FGF14: variants seen among roughly 807,000 people sequenced by gnomAD.
FGF14 encodes fibroblast growth factor homologous factor 4.
FGF14 carries 5 observed loss-of-function variants against 25.5 expected under a neutral mutation model. The observed-to-expected ratio is 0.20, with a 90% CI of 0.10 to 0.41. FGF14 has a LOEUF of 0.41. FGF14 is among the 10% of genes least tolerant of loss of function. The pLI, the probability that FGF14 is intolerant of heterozygous loss-of-function variation, is 1.00. For missense variants in FGF14, 222 were observed against 320.1 expected, an observed-to-expected ratio of 0.69 and a Z score of 2.34; for synonymous variants, 138 against 118.3, an observed-to-expected ratio of 1.17 and a Z score of -1.08.
At chr13:102,002,771 T>A (rs2039567783) in intron 1 of FGF14, 1 of 152,206 alleles carries the variant, frequency 6.6e-6, no homozygotes, top group East Asian at 1.9e-4. Context: ...TAGCTAAAAC[T>A]ATTTTGGAAA....
intron 1 of FGF14, among the ~76,000 whole-genome samples, chr13:101,930,787 G>C (rs1198677736): frequency 6.6e-6 from 1 of 152,124 alleles, no homozygotes; most frequent in African/African-American, 2.4e-5. Context: ...CTTCCATATA[G>C]AGTTCCAGAG....
intron 1 of FGF14, among the ~76,000 whole-genome samples, chr13:101,971,374 CTTTT>C (rs34042855): frequency 0.32 from 46,458 of 146,458 alleles, 7,715 homozygotes; most frequent in East Asian, 0.71. Flanking sequence ...CAGCATATAA[CTTTT>C]TTTTTTTTTT....
chr13:102,075,787 G>T (rs1380826646), intron 1 of FGF14, among the ~76,000 whole-genome samples: 1 of 152,138 alleles, frequency 6.6e-6, no homozygotes, highest in Non-Finnish European at 1.5e-5. Context: ...TTTCCAGTGG[G>T]ACAAGATGTG....
intron 1 of FGF14, among the ~76,000 whole-genome samples, chr13:102,143,342 TA>T (rs933473655): frequency 4.0e-5 from 6 of 151,280 alleles, no homozygotes; most frequent in African/African-American, 4.9e-5. Context: ...TACTCAGATT[TA>T]AAAAAAAATG....
At position 101,714,636 on chromosome 13, in the gene FGF14, C is replaced by A; in HGVS notation, c.*8195G>T. ...ACTCGTCATGCAATGCTTTAGGTGG[C>A]TGGACCAACAGGGCCAACCGTGAAT... On this transcript the variant is annotated 3_prime_UTR_variant, in exon 5 of 5. Transcript: ENST00000376143. 1.2e-6 allele frequency: 1 copy of A among 853,300 alleles called. No homozygotes were observed. Among genetic ancestry groups the A allele is most frequent in the Non-Finnish European group, 2.0e-6 (1 of 497,008 alleles). 52.9% of individuals were successfully genotyped at this position (853,300 alleles called of 1,614,324 possible). A position where few individuals can be genotyped will look rare whatever the true frequency, so the allele number is the denominator to read the frequency against.
intron 1 of FGF14, among the ~76,000 whole-genome samples, chr13:102,317,350 G>T (rs1274987902): frequency 6.6e-6 from 1 of 151,434 alleles, no homozygotes; most frequent in African/African-American, 2.4e-5. Context: ...CTGTATAGTG[G>T]TAATAAGTAT....
chr13:101,777,033 T>C (rs766931052), intron 3 of FGF14, among the ~76,000 whole-genome samples: 7 of 152,176 alleles, frequency 4.6e-5, no homozygotes, highest in Non-Finnish European at 8.8e-5. Flanking sequence ...CCTTTGTTAT[T>C]TGGCTTCTAG....
Position 101,936,717 on chromosome 13 carries a change from T to G in FGF14, c.209-61421A>C, listed in dbSNP as rs568490916. On this transcript the variant is annotated intron_variant, in intron 1 of 4. Coordinates refer to the FGF14 transcript ENST00000376131. ...TTTCCAGAGCAAGCAATGAATGCTA[T>G]TTGTTCACTATCTTCCCCACAATAC... Among the ~76,000 whole-genome samples the G allele has an allele frequency of 2.0e-5, 3 of 152,342 alleles. No homozygotes were observed. The East Asian group carries it at 5.8e-4, about 29-fold the overall frequency.
At chr13:101,814,757 T>C (rs1029358163) in intron 3 of FGF14, among the ~76,000 whole-genome samples, 1 of 152,242 alleles carries the variant, frequency 6.6e-6, no homozygotes, top group Admixed American at 6.5e-5. Context: ...AAGCATTTTA[T>C]TCTACAGATA....
At chr13:101,850,491 TATATATATATATA>T (rs2043736710) in intron 3 of FGF14, among the ~76,000 whole-genome samples, 1 of 2,394 alleles carries the variant, frequency 4.2e-4, no homozygotes, top group Non-Finnish European at 1.3e-3. Context: ...TATATATATA[TATATATATATATA>T]TATATATATA....
chr13:101,747,558 C>T (rs757608689), intron 3 of FGF14, among the ~76,000 whole-genome samples: 52 of 151,984 alleles, frequency 3.4e-4, no homozygotes, highest in Middle Eastern at 3.4e-3. Context: ...ATGAAGAAAA[C>T]GACAAAAACT....
intron 1 of FGF14, among the ~76,000 whole-genome samples, chr13:102,052,076 C>T (rs550806916): frequency 6.6e-6 from 1 of 151,958 alleles, no homozygotes; most frequent in Non-Finnish European, 1.5e-5. Flanking sequence ...AAAAATTAAT[C>T]CAATTCTGGA....
chr13:102,252,721 C>A (rs2052242793), intron 1 of FGF14, among the ~76,000 whole-genome samples: 1 of 151,656 alleles, frequency 6.6e-6, no homozygotes. Flanking sequence ...TCAGAACGTG[C>A]AGGTTTGTTA....
intron 1 of FGF14, among the ~76,000 whole-genome samples, chr13:102,103,603 C>T (rs927061549): frequency 2.8e-4 from 43 of 152,222 alleles, no homozygotes; most frequent in Middle Eastern, 6.8e-3. Flanking sequence ...GAAGCAACAT[C>T]ACATGTAACT....
At chr13:102,036,454 G>A (rs540716293) in intron 1 of FGF14, among the ~76,000 whole-genome samples, 12 of 152,236 alleles carry the variant, frequency 7.9e-5, no homozygotes, top group African/African-American at 2.9e-4. Context: ...CCAGCCACTC[G>A]AGGGTGCTCC....
At chr13:102,012,738 A>T (rs1005596103) in intron 1 of FGF14, among the ~76,000 whole-genome samples, 1 of 152,244 alleles carries the variant, frequency 6.6e-6, no homozygotes, top group Admixed American at 6.5e-5. Flanking sequence ...CCCCTCCCGC[A>T]CTGGGGCTTG....
intron 3 of FGF14, among the ~76,000 whole-genome samples, chr13:101,732,734 G>C (rs1016919479): frequency 2.0e-5 from 3 of 152,220 alleles, no homozygotes; most frequent in African/African-American, 7.2e-5. Flanking sequence ...TTTACAACGA[G>C]AAATTGAGTT....
intron 1 of FGF14, among the ~76,000 whole-genome samples, chr13:101,878,533 T>A (rs1002463762): frequency 2.0e-5 from 3 of 152,096 alleles, no homozygotes; most frequent in African/African-American, 7.2e-5. Context: ...AAAAATCCCA[T>A]AGAGAGAATA....
chr13:101,918,513 A>G (rs558185841), upstream of FGF14, among the ~76,000 whole-genome samples: 1 of 152,372 alleles, frequency 6.6e-6, no homozygotes, highest in South Asian at 2.1e-4. Context: ...GGGCAAGCAC[A>G]CTACGCAGGC....
Sources: allele counts gnomAD v4.1 joint callset (sites outside exome capture counted in the v4.1 genomes callset), GRCh38; gene constraint gnomAD v4.1.1; transcripts MANE v1.5; gene names NCBI Gene and HGNC (gene_info 2026-07-23, HGNC 2026-07-21).